DSCAML1: variants seen among roughly 807,000 people sequenced by gnomAD.
DSCAML1 encodes DS cell adhesion molecule like 1, also known as cell adhesion molecule DSCAML1.
DSCAML1 carries 38 observed loss-of-function variants against 200.5 expected under a neutral mutation model. That is an observed-to-expected ratio of 0.19 (90% CI 0.15 to 0.25). DSCAML1 has a LOEUF of 0.25. Among genes scored for constraint, DSCAML1 ranks in the 10% least tolerant of loss-of-function variants. DSCAML1 has a pLI of 1.00. For missense variants in DSCAML1, 2,223 were observed against 2,858.8 expected (o/e 0.78, Z 5.07); for synonymous variants, 1,215 against 1,165.0 (o/e 1.04, Z -0.87).
intron 3 of DSCAML1, among the ~76,000 whole-genome samples, chr11:117,767,425 CTA>C (rs1304535736): frequency 6.6e-5 from 10 of 152,244 alleles, no homozygotes; most frequent in Admixed American, 6.5e-5. Context: ...ATTCTTGCCA[CTA>C]TGAGTATCAT....
chr11:117,721,877 C>A (rs1452211188), intron 3 of DSCAML1, among the ~76,000 whole-genome samples: 3 of 150,348 alleles, frequency 2.0e-5, no homozygotes, highest in African/African-American at 7.3e-5. Flanking sequence ...GCGATCTCGG[C>A]TCACTGAAGG....
chr11:117,669,977 C>T (rs2053069712), intron 3 of DSCAML1, among the ~76,000 whole-genome samples: 1 of 152,254 alleles, frequency 6.6e-6, no homozygotes, highest in African/African-American at 2.4e-5. Flanking sequence ...CTGGCCAAGC[C>T]TGTGATTCTA....
intron 29 of DSCAML1, 53 bp downstream of exon 29, chr11:117,433,085 G>T (rs1268912889): frequency 3.3e-6 from 5 of 1,515,192 alleles, no homozygotes; most frequent in Admixed American, 1.7e-5. Flanking sequence ...ATGGGTTGTA[G>T]CCTGGGGAAG....
At chr11:117,576,226 G>T (rs556363334) in intron 3 of DSCAML1, among the ~76,000 whole-genome samples, 5 of 152,276 alleles carry the variant, frequency 3.3e-5, no homozygotes, top group Admixed American at 2.6e-4. Flanking sequence ...CTTGAGAGGG[G>T]TGATTGGGTT....
At chr11:117,718,946 A>C (rs2054002016) in intron 3 of DSCAML1, among the ~76,000 whole-genome samples, 1 of 152,212 alleles carries the variant, frequency 6.6e-6, no homozygotes, top group Admixed American at 6.5e-5. Context: ...AAAGCAGCAC[A>C]GACAAAACTT....
chr11:117,588,335 G>A (rs2051190848), intron 3 of DSCAML1, among the ~76,000 whole-genome samples: 1 of 152,150 alleles, frequency 6.6e-6, no homozygotes, highest in South Asian at 2.1e-4. Flanking sequence ...GGACAGAGGA[G>A]TCCCCCTGCT....
chr11:117,505,100 A>G lies in DSCAML1; in HGVS notation c.2063-57T>C. ...CATTTTAGTCTCTGATGGGTCTCCT[A>G]GGGCTTCGAGCACCTTCTGTTTGAG... On this transcript the variant is annotated intron_variant, in intron 9 of 32. Coordinates refer to ENST00000651296, the MANE Select transcript of DSCAML1 (RefSeq NM_020693.4). The surrounding 1 kb of genome is among the most constrained non-coding windows in gnomAD (Gnocchi z 6.7). 6.3e-7 allele frequency: 1 copy of G among 1,576,592 alleles called. No individual in the cohort carries two copies. Among genetic ancestry groups the G allele is most frequent in the Non-Finnish European group, 8.6e-7 (1 of 1,156,680 alleles).
chr11:117,520,650 A>G (rs925122980), intron 6 of DSCAML1, among the ~76,000 whole-genome samples: 1 of 151,968 alleles, frequency 6.6e-6, no homozygotes, highest in Non-Finnish European at 1.5e-5. Context: ...TAAAGGCCTC[A>G]GCCCAGGCGG....
intron 3 of DSCAML1, among the ~76,000 whole-genome samples, chr11:117,640,057 C>T (rs961039662): frequency 3.9e-5 from 6 of 152,184 alleles, no homozygotes; most frequent in Admixed American, 1.3e-4. Flanking sequence ...GGAGCTGCAA[C>T]TGAAGCTTCC....
intron 3 of DSCAML1, among the ~76,000 whole-genome samples, chr11:117,749,314 C>A (rs2054565839): frequency 6.6e-6 from 1 of 152,222 alleles, no homozygotes; most frequent in African/African-American, 2.4e-5. Flanking sequence ...CTGCCTGCCT[C>A]TCCCCATTCA....
chr11:117,660,381 A>C (rs1026287515), intron 3 of DSCAML1, among the ~76,000 whole-genome samples: 6 of 152,342 alleles, frequency 3.9e-5, no homozygotes, highest in Admixed American at 3.9e-4. Flanking sequence ...TCTTTGGGCA[A>C]ATGGCTTTCC....
At chr11:117,755,061 C>T (rs1022899458) in intron 3 of DSCAML1, among the ~76,000 whole-genome samples, 2 of 152,138 alleles carry the variant, frequency 1.3e-5, no homozygotes, top group Non-Finnish European at 2.9e-5. Context: ...GAGGTGAAAA[C>T]AGTTGGAAGA....
At chr11:117,471,800 A>ACCCCACCCCCTTTAACTGCACGC in intron 15 of DSCAML1, 69 bp downstream of exon 15, 2 of 1,529,068 alleles carry the variant, frequency 1.3e-6, no homozygotes, top group South Asian at 1.3e-5. Flanking sequence ...AGTGAACAGG[A>ACCCCACCCCCTTTAACTGCACGC]TCGCTGTAGG....
At chr11:117,550,486 C>T (rs1265573918) in intron 3 of DSCAML1, among the ~76,000 whole-genome samples, 1 of 152,088 alleles carries the variant, frequency 6.6e-6, no homozygotes, top group Non-Finnish European at 1.5e-5. Context: ...TTGACATTAG[C>T]TGCTGCCCAT....
intron 3 of DSCAML1, among the ~76,000 whole-genome samples, chr11:117,645,823 T>A (rs12290764): frequency 4.0e-5 from 6 of 151,470 alleles, no homozygotes; most frequent in Non-Finnish European, 7.4e-5. Context: ...GTGGGTGCAG[T>A]GCACCAGCAT....
At position 117,532,377 on chromosome 11, in the gene DSCAML1, TG is replaced by T; in HGVS notation, c.656del (p.Thr219LysfsTer61). The T allele has an allele frequency of 6.2e-7, 1 of 1,613,416 alleles. No homozygotes were observed. The highest frequency in any genetic ancestry group is 1.1e-5 in the South Asian group (1 of 90,990). ...RQSNGARLSV[T>X]DPAESIPTIL... Reference sequence around the variant, plus strand: ...TTCTCCCCAGGCCCTCTCCCCTACCTGTCACAGAGAGGCGTGCCCCATTGCT... The same window carrying T: ...TTCTCCCCAGGCCCTCTCCCCTACCTTCACAGAGAGGCGTGCCCCATTGCT... On this transcript the variant is annotated frameshift_variant and splice_region_variant, in exon 4 of 33. Coordinates refer to ENST00000651296, the MANE Select transcript of DSCAML1 (RefSeq NM_020693.4). LOFTEE classifies it high-confidence loss of function.
chr11:117,511,800 C>G (rs1009661786), intron 8 of DSCAML1, among the ~76,000 whole-genome samples: 1 of 152,214 alleles, frequency 6.6e-6, no homozygotes, highest in Non-Finnish European at 1.5e-5. Context: ...AACACACTTG[C>G]GTATGTGTAA....
At chr11:117,746,434 T>C (rs1226022294) in intron 3 of DSCAML1, among the ~76,000 whole-genome samples, 1 of 152,076 alleles carries the variant, frequency 6.6e-6, no homozygotes, top group Non-Finnish European at 1.5e-5. Context: ...GGCACGCTGC[T>C]CTGTGGCTTC....
At chr11:117,442,267 T>C (rs2048076103) in intron 21 of DSCAML1, among the ~76,000 whole-genome samples, 1 of 151,248 alleles carries the variant, frequency 6.6e-6, no homozygotes, top group East Asian at 1.9e-4. Flanking sequence ...TGTGTGCATG[T>C]ATTAGTGTGT....
Sources: allele counts gnomAD v4.1 joint callset (sites outside exome capture counted in the v4.1 genomes callset), GRCh38; gene constraint gnomAD v4.1.1; non-coding constraint Gnocchi (gnomAD v3.1); transcripts MANE v1.5; gene names NCBI Gene and HGNC (gene_info 2026-07-23, HGNC 2026-07-21).